FAM178B: variants seen among roughly 807,000 people sequenced by gnomAD.
The protein encoded by FAM178B is protein FAM178B.
Under a neutral mutation model 91.7 loss-of-function variants are expected in FAM178B, and 82 were observed. The observed-to-expected ratio is 0.89, with a 90% CI of 0.75 to 1.07. FAM178B has a LOEUF of 1.07. FAM178B is among the 50% of genes least tolerant of loss of function. The pLI is 0.00. For missense variants in FAM178B, 769 were observed against 846.7 expected, an observed-to-expected ratio of 0.91 and a Z score of 1.14; for synonymous variants, 368 against 359.4, an observed-to-expected ratio of 1.02 and a Z score of -0.27.
chr2:96,883,257 G>A (rs1351055274), intron 14 of FAM178B, among the ~76,000 whole-genome samples: 2 of 152,182 alleles, frequency 1.3e-5, no homozygotes, highest in Non-Finnish European at 2.9e-5. Context: ...CATTAGCAGC[G>A]CTTTTGTCAT....
At chr2:96,907,994 G>A (rs982439548) in intron 12 of FAM178B, among the ~76,000 whole-genome samples, 1 of 152,258 alleles carries the variant, frequency 6.6e-6, no homozygotes, top group African/African-American at 2.4e-5. Flanking sequence ...GCTGCCTCAG[G>A]GCGTCCGCCT....
intron 13 of FAM178B, chr2:96,895,048 A>G (rs944714958): frequency 7.8e-7 from 1 of 1,288,518 alleles, no homozygotes; most frequent in Admixed American, 2.3e-5. Flanking sequence ...CTAAGTCCCC[A>G]ACAGTCCATC....
At chr2:96,894,892 C>T (rs13421275) in intron 13 of FAM178B, among the ~76,000 whole-genome samples, 27,536 of 124,678 alleles carry the variant, frequency 0.22, 4,344 homozygotes, top group South Asian at 0.65. Flanking sequence ...ATCCCCCCCA[C>T]AGACCCTCAC....
chr2:96,967,075 G>A (rs1048150520), intron 5 of FAM178B, among the ~76,000 whole-genome samples: 1 of 152,132 alleles, frequency 6.6e-6, no homozygotes, highest in African/African-American at 2.4e-5. Context: ...TAGAGATGAA[G>A]CCAGCCCTCC....
chr2:96,877,958 T>C lies in FAM178B; in HGVS notation c.1939A>G (p.Met647Val), dbSNP rs1423484280. 2.5e-6 allele frequency: 4 copies of C among 1,613,766 alleles called. No homozygotes were observed. In the African/African-American group the frequency reaches 5.3e-5, roughly 22 times the overall value. The change falls in exon 16 of 17, where the codon ATG becomes GTG. Residue 647 changes from methionine (M) to valine (V), a missense_variant. Physicochemically the swap from Met to Val is conservative, Grantham distance 21. Transcript: ENST00000490605. ...RESPQAMHRT[M>V]LKDLATQTYI... The stretch of plus-strand genomic sequence containing the variant: ...GTCTGGGTAGCCAGGTCCTTGAGCA[T>C]GGTGCGGTGCATGGCCTGGGGGCTC...
At chr2:96,962,070 G>A (rs1008346124) in intron 5 of FAM178B, among the ~76,000 whole-genome samples, 1 of 152,328 alleles carries the variant, frequency 6.6e-6, no homozygotes. Context: ...GGGAGGCTGA[G>A]GTGGGCGGAT....
chr2:96,904,548 T>A (rs1323954078), intron 12 of FAM178B, among the ~76,000 whole-genome samples: 4 of 146,534 alleles, frequency 2.7e-5, no homozygotes, highest in Non-Finnish European at 6.0e-5. Flanking sequence ...GCTATTTTTT[T>A]TTTTTTTTTT....
At chr2:96,898,933 AC>A (rs2080873609) in intron 13 of FAM178B, among the ~76,000 whole-genome samples, 3 of 152,232 alleles carry the variant, frequency 2.0e-5, no homozygotes, top group Admixed American at 2.0e-4. Context: ...AACATGCAGC[AC>A]TGGCAAGCCC....
At chr2:96,983,858 A>C (rs1003269782) in intron 1 of FAM178B, among the ~76,000 whole-genome samples, 3 of 152,262 alleles carry the variant, frequency 2.0e-5, no homozygotes, top group Non-Finnish European at 4.4e-5. Context: ...GCAGTTCAGT[A>C]ATCTTTATTA....
chr2:96,917,227 G>A (rs960057661), intron 12 of FAM178B, among the ~76,000 whole-genome samples: 1 of 152,136 alleles, frequency 6.6e-6, no homozygotes, highest in Non-Finnish European at 1.5e-5. Flanking sequence ...GGTACCTTAC[G>A]AATTTTGTTT....
intron 8 of FAM178B, among the ~76,000 whole-genome samples, chr2:96,945,795 C>T (rs1342560333): frequency 6.6e-6 from 1 of 152,156 alleles, no homozygotes; most frequent in Non-Finnish European, 1.5e-5. Flanking sequence ...GGGCACCTGG[C>T]CCTTTTGCTC....
In FAM178B at chr2:96,986,365, C is replaced by A. The variant is rs966393233; in HGVS notation, c.-52G>T. 8.5e-6 allele frequency: 13 copies of A among 1,523,824 alleles called. No individual in the cohort carries two copies. In the African/African-American group the frequency reaches 1.4e-4, roughly 16 times the overall value. The allele number at this position is 1,523,824 out of a possible 1,614,324, so 94.4% of individuals were successfully genotyped here. On this transcript the variant is annotated 5_prime_UTR_variant, in exon 1 of 17. Coordinates refer to ENST00000490605, the MANE Select transcript of FAM178B (RefSeq NM_001122646.3). The stretch of plus-strand genomic sequence containing the variant: ...TGAGGGAGGGTGGCGGGAATTCGCA[C>A]GGCCTCAGAGGACGGGGCCAGCTAG...
chr2:96,965,166 ATT>A (rs1022105089), intron 5 of FAM178B, among the ~76,000 whole-genome samples: 2 of 151,406 alleles, frequency 1.3e-5, no homozygotes, highest in African/African-American at 4.9e-5. Flanking sequence ...CGCCCAGCTA[ATT>A]TTTGTATTTT....
chr2:96,932,431 C>T (rs532635902), intron 8 of FAM178B, among the ~76,000 whole-genome samples: 6 of 152,196 alleles, frequency 3.9e-5, no homozygotes, highest in African/African-American at 7.2e-5. Context: ...AATACCACCC[C>T]GGAGCCCATA....
chr2:96,905,571 A>G (rs2081014909), intron 12 of FAM178B, among the ~76,000 whole-genome samples: 1 of 148,566 alleles, frequency 6.7e-6, no homozygotes, highest in Admixed American at 6.7e-5. Context: ...AAAAAAAAAG[A>G]AAAAGAAAAA....
chr2:96,979,646 C>A (rs992583632), intron 1 of FAM178B, among the ~76,000 whole-genome samples: 1 of 152,018 alleles, frequency 6.6e-6, no homozygotes, highest in Non-Finnish European at 1.5e-5. Flanking sequence ...AGGAAGATAC[C>A]CAGTAGTGGG....
chr2:96,892,534 T>C (rs535980578), intron 14 of FAM178B, among the ~76,000 whole-genome samples: 2 of 152,278 alleles, frequency 1.3e-5, no homozygotes, highest in South Asian at 4.1e-4. Context: ...AATAGTCCTC[T>C]AAAGAAAAGG....
At chr2:96,956,532 G>A (rs374884631) in intron 6 of FAM178B, among the ~76,000 whole-genome samples, 1 of 152,224 alleles carries the variant, frequency 6.6e-6, no homozygotes, top group South Asian at 2.1e-4. Context: ...AGGGAAGAAA[G>A]ATATTTTCCC....
At chr2:96,968,205 G>T (rs1307180693) in intron 4 of FAM178B, among the ~76,000 whole-genome samples, 1 of 151,858 alleles carries the variant, frequency 6.6e-6, no homozygotes, top group Non-Finnish European at 1.5e-5. Context: ...GCCTGACTCT[G>T]CAGCCACTTA....
Sources: gnomAD v4.1 joint callset for allele counts (sites outside exome capture counted in the v4.1 genomes callset) on GRCh38, gnomAD v4.1.1 for gene constraint, MANE v1.5 for transcripts, NCBI Gene and HGNC (gene_info 2026-07-23, HGNC 2026-07-21) for gene names.